MS4A5: variants seen among roughly 807,000 people sequenced by gnomAD.
The protein encoded by MS4A5 is membrane spanning 4-domains A5.
In MS4A5, 15 loss-of-function variants were observed where a neutral mutation model predicts 18.2. The ratio of observed to expected loss-of-function variants is 0.83; its 90% confidence interval spans 0.55 to 1.27. MS4A5 has a LOEUF of 1.27. MS4A5 is among the 50% of genes most tolerant of loss of function. The pLI is 0.00. For missense variants in MS4A5, 232 were observed against 225.7 expected (o/e 1.03, Z -0.18); for synonymous variants, 89 against 78.7 (o/e 1.13, Z -0.69).
chr11:60,438,306 C>A (rs2086091987), intron 4 of MS4A5, among the ~76,000 whole-genome samples: 1 of 152,016 alleles, frequency 6.6e-6, no homozygotes, highest in Non-Finnish European at 1.5e-5. Flanking sequence ...CACTAAATGC[C>A]CACAAGAGAA....
chr11:60,438,463 C>G (rs1007970847), intron 4 of MS4A5, among the ~76,000 whole-genome samples: 3 of 151,562 alleles, frequency 2.0e-5, no homozygotes, highest in Non-Finnish European at 4.4e-5. Context: ...AAAAACTCTT[C>G]AAAAAATTAA....
At chr11:60,434,752 C>T (rs991586419) in intron 4 of MS4A5, among the ~76,000 whole-genome samples, 12 of 152,258 alleles carry the variant, frequency 7.9e-5, no homozygotes, top group African/African-American at 2.2e-4. Context: ...ACAAGTGGAA[C>T]TCTGAAGAGC....
intron 4 of MS4A5, 110 bp downstream of exon 4, chr11:60,434,027 T>C (rs2086065664): frequency 1.0e-6 from 1 of 957,468 alleles, no homozygotes; most frequent in South Asian, 1.8e-5. Flanking sequence ...TATTTTCTTT[T>C]ACTGACAAAC....
At chr11:60,437,491 A>G (rs2086086804) in intron 4 of MS4A5, among the ~76,000 whole-genome samples, 1 of 152,230 alleles carries the variant, frequency 6.6e-6, no homozygotes, top group East Asian at 1.9e-4. Context: ...TTGGATAAAG[A>G]GTCAAGACCC....
intron 4 of MS4A5, among the ~76,000 whole-genome samples, chr11:60,445,763 T>C (rs572948557): frequency 6.6e-6 from 1 of 152,280 alleles, no homozygotes; most frequent in South Asian, 2.1e-4. Flanking sequence ...AAACATACAA[T>C]AATGCTCCAA....
intron 1 of MS4A5, 90 bp from the exon 2 acceptor site, chr11:60,430,706 C>T (rs1418526180): frequency 6.7e-7 from 1 of 1,489,462 alleles, no homozygotes; most frequent in Non-Finnish European, 9.1e-7. Flanking sequence ...GAGTAATTGC[C>T]AAATCCTTTT....
intron 4 of MS4A5, among the ~76,000 whole-genome samples, chr11:60,442,185 T>C (rs1022431063): frequency 2.0e-5 from 3 of 151,978 alleles, no homozygotes; most frequent in Admixed American, 6.6e-5. Context: ...ACTGACATTT[T>C]TAATTGACAG....
At chr11:60,441,325 G>T (rs1184872672) in intron 4 of MS4A5, among the ~76,000 whole-genome samples, 1 of 86,230 alleles carries the variant, frequency 1.2e-5, no homozygotes, top group African/African-American at 3.6e-5. Flanking sequence ...TATACCTAAT[G>T]CTAGATGACG....
At chr11:60,444,150 T>C (rs1397704101) in intron 4 of MS4A5, among the ~76,000 whole-genome samples, 1 of 152,166 alleles carries the variant, frequency 6.6e-6, no homozygotes, top group Non-Finnish European at 1.5e-5. Flanking sequence ...ATAAGGACAT[T>C]ATAAAATATT....
chr11:60,432,320 GC>G, intron 2 of MS4A5, 90 bp from the exon 3 acceptor site: 1 of 730,600 alleles, frequency 1.4e-6, no homozygotes, highest in Admixed American at 2.9e-5. Context: ...TAGAAGGCGG[GC>G]CTGTAAAAGA....
chr11:60,447,318 T>TGCTATGCTAC, intron 4 of MS4A5, among the ~76,000 whole-genome samples: 1 of 76,724 alleles, frequency 1.3e-5, no homozygotes, highest in Non-Finnish European at 3.3e-5. Context: ...TGCTATGCTA[T>TGCTATGCTAC]GCTATGCTAT....
At chr11:60,445,700 TA>T (rs1292936561) in intron 4 of MS4A5, among the ~76,000 whole-genome samples, 2 of 152,298 alleles carry the variant, frequency 1.3e-5, no homozygotes, top group South Asian at 2.1e-4. Flanking sequence ...ATTTTCTTTT[TA>T]AAAGATAAAG....
chr11:60,444,745 A>G (rs1228252691), intron 4 of MS4A5, among the ~76,000 whole-genome samples: 1 of 152,224 alleles, frequency 6.6e-6, no homozygotes, highest in Non-Finnish European at 1.5e-5. Flanking sequence ...CATTTTAATT[A>G]AAAGGACCAC....
At chr11:60,434,183 T>TA (rs58957410) in intron 4 of MS4A5, among the ~76,000 whole-genome samples, 9,116 of 147,030 alleles carry the variant, frequency 0.062, 888 homozygotes, top group African/African-American at 0.21. Context: ...AATATAAATC[T>TA]AAAAAAAAAA....
chr11:60,437,970 A>AT (rs1255383170), intron 4 of MS4A5, among the ~76,000 whole-genome samples: 6 of 152,054 alleles, frequency 3.9e-5, no homozygotes, highest in African/African-American at 1.4e-4. Flanking sequence ...CAGAATATAC[A>AT]TTTTTTTCAG....
intron 4 of MS4A5, among the ~76,000 whole-genome samples, chr11:60,445,116 T>A (rs977377951): frequency 1.8e-4 from 27 of 152,150 alleles, no homozygotes; most frequent in South Asian, 6.2e-4. Flanking sequence ...AACAGGCAAA[T>A]TTAACACATG....
intron 4 of MS4A5, among the ~76,000 whole-genome samples, chr11:60,440,090 G>A (rs2086102273): frequency 1.6e-5 from 2 of 128,374 alleles, no homozygotes; most frequent in African/African-American, 5.7e-5. Flanking sequence ...ATAGATCAAT[G>A]GAACAGAACA....
At chr11:60,441,975 A>G (rs527772724) in intron 4 of MS4A5, among the ~76,000 whole-genome samples, 7 of 152,230 alleles carry the variant, frequency 4.6e-5, no homozygotes, top group Non-Finnish European at 8.8e-5. Flanking sequence ...CTCAAAGCCA[A>G]AAGGAAAAGC....
intron 4 of MS4A5, among the ~76,000 whole-genome samples, chr11:60,436,510 G>T (rs1428899727): frequency 7.3e-6 from 1 of 136,238 alleles, no homozygotes; most frequent in African/African-American, 2.5e-5. Context: ...AGGCAAAGAG[G>T]TTGAAAACTT....
Sources: gnomAD v4.1 joint callset for allele counts (sites outside exome capture counted in the v4.1 genomes callset) on GRCh38, gnomAD v4.1.1 for gene constraint, MANE v1.5 for transcripts, NCBI Gene and HGNC (gene_info 2026-07-23, HGNC 2026-07-21) for gene names.